Variants in TNPO2 observed in about 807,000 individuals in gnomAD.
The protein encoded by TNPO2 is transportin 2.
In TNPO2, 16 loss-of-function variants were observed where a neutral mutation model predicts 111.1. That is an observed-to-expected ratio of 0.14 (90% CI 0.10 to 0.22). TNPO2 has a LOEUF of 0.22. TNPO2 is among the 10% of genes least tolerant of loss of function. The pLI is 1.00. For synonymous variants in TNPO2, 481 were observed against 475.8 expected (o/e 1.01, Z -0.14); for missense variants, 530 against 1,173.7 (o/e 0.45, Z 8.01).
chr19:12,713,484 TAAA>T (rs1028660301), intron 10 of TNPO2, among the ~76,000 whole-genome samples: 14 of 108,068 alleles, frequency 1.3e-4, no homozygotes, highest in African/African-American at 4.8e-4. Flanking sequence ...TAATGAATGA[TAAA>T]TAAATAAATA....
At position 12,706,809 on chromosome 19, in the gene TNPO2, G is replaced by T; in HGVS notation, c.1271-14C>A. 1.3e-6 allele frequency: 2 copies of T among 1,587,086 alleles called. No homozygotes were observed. Among genetic ancestry groups the T allele is most frequent in the Non-Finnish European group, 1.7e-6 (2 of 1,167,332 alleles). ...CCTGCATGCAGCCTACAAGGAAAGG[G>T]AACCAAGAGGGGGCAGTTTGATTGG... On this transcript the variant is annotated splice_polypyrimidine_tract_variant and intron_variant, in intron 13 of 25. Coordinates refer to ENST00000425528, the MANE Select transcript of TNPO2 (RefSeq NM_001382241.1). This position sits in a 1 kb window ranked among gnomAD's most constrained non-coding sequence, Gnocchi z 7.0.
At chr19:12,707,492 T>C (rs974531667) in intron 13 of TNPO2, among the ~76,000 whole-genome samples, 11 of 132,590 alleles carry the variant, frequency 8.3e-5, no homozygotes, top group Admixed American at 4.5e-4. Flanking sequence ...TTTTTTTTTT[T>C]TTTTTTTTTT....
Position 12,706,259 on chromosome 19 carries a change from C to T in TNPO2, c.1605G>A (p.Leu535=), listed in dbSNP as rs2025657287. 6.2e-7 allele frequency: 1 copy of T among 1,614,014 alleles called. No individual in the cohort carries two copies. The highest frequency in any genetic ancestry group is 1.3e-5 in the African/African-American group (1 of 75,058). ...FAFGKYQHKN[L]LILYDAIGTL... ...TGCCAATGGCGTCATAGAGGATGAG[C>T]AGGTTCTTGTGCTGGTATTTCCCAA... Residue 535 remains leucine, a synonymous_variant, in exon 15 of 26, where the codon CTG becomes CTA. Coordinates refer to ENST00000425528, the MANE Select transcript of TNPO2 (RefSeq NM_001382241.1). This position sits in a 1 kb window ranked among gnomAD's most constrained non-coding sequence, Gnocchi z 7.0.
intron 10 of TNPO2, among the ~76,000 whole-genome samples, chr19:12,714,575 G>C (rs765457853): frequency 1.3e-5 from 2 of 152,072 alleles, no homozygotes; most frequent in Non-Finnish European, 2.9e-5. Flanking sequence ...GCCTCCCAAA[G>C]TGCTAGGATT....
rs1349453712 is a variant in TNPO2, at chr19:12,705,051, T to C, written c.2022+189A>G. Among the ~76,000 whole-genome samples the C allele has an allele frequency of 2.0e-5, 3 of 152,190 alleles. No individual in the cohort carries two copies. Among genetic ancestry groups the C allele is most frequent in the South Asian group, 2.1e-4 (1 of 4,832 alleles). On this transcript the variant is annotated intron_variant, in intron 18 of 25. Transcript: ENST00000425528. The surrounding 1 kb of genome is among the most constrained non-coding windows in gnomAD (Gnocchi z 7.2). Reference sequence around the variant, plus strand: ...TAATTTTAGAACTGGGGTTTCACTATGTTGCCCAGGCTGGTCTCAAACTCC... The same window carrying C: ...TAATTTTAGAACTGGGGTTTCACTACGTTGCCCAGGCTGGTCTCAAACTCC...
chr19:12,701,450 G>T lies in TNPO2; in HGVS notation c.2590C>A (p.Leu864Ile). 6.2e-7 allele frequency: 1 copy of T among 1,613,824 alleles called. No individual in the cohort carries two copies. The highest frequency in any genetic ancestry group is 2.2e-5 in the East Asian group (1 of 44,868). ...CCAACTTGGTCTTTGAAGCCGTGGA[G>T]AATCTGTGGGGAGGGTGGTGGTGAG... ...DDLRDMFYKI[L>I]HGFKDQVGED... is the part of the protein sequence containing the mutation. The change falls in exon 25 of 26, where the codon CTC becomes ATC. Residue 864 changes from leucine to isoleucine, a missense_variant. Leu to Ile is a conservative substitution (Grantham distance 5, BLOSUM62 2). This residue lies in a region of TNPO2 where 103 missense variants were observed against 156.7 expected (regional missense o/e 0.66). Transcript: ENST00000425528. The surrounding 1 kb of genome is among the most constrained non-coding windows in gnomAD (Gnocchi z 5.0).
intron 12 of TNPO2, 96 bp from the exon 13 acceptor site, chr19:12,710,869 A>G: frequency 8.2e-7 from 1 of 1,223,078 alleles, no homozygotes; most frequent in South Asian, 1.6e-5. Context: ...GATCATGCTC[A>G]GAATCTTCAC....
chr19:12,703,333 G>A, intron 20 of TNPO2, 95 bp downstream of exon 20: 1 of 1,161,430 alleles, frequency 8.6e-7, no homozygotes, highest in Non-Finnish European at 1.3e-6. Flanking sequence ...CAAGAGACTT[G>A]CCTTGAAGGA....
chr19:12,719,506 A>C lies in TNPO2; in HGVS notation c.100-170T>G, dbSNP rs549476930. The stretch of plus-strand genomic sequence containing the variant: ...AGAGCACCTCAGACACGTCAAATTC[A>C]TATAAGGGGCCGGGCGCGGTGGCTC... On this transcript the variant is annotated intron_variant, in intron 3 of 25. Transcript: ENST00000425528. This position sits in a 1 kb window ranked among gnomAD's most constrained non-coding sequence, Gnocchi z 5.0. Among the ~76,000 whole-genome samples, 3 of 152,108 alleles carry C rather than the reference A, an allele frequency of 2.0e-5. No homozygotes were observed. Among genetic ancestry groups the C allele is most frequent in the Non-Finnish European group, 4.4e-5 (3 of 68,008 alleles).
intron 10 of TNPO2, among the ~76,000 whole-genome samples, chr19:12,713,654 C>G (rs956222533): frequency 3.3e-5 from 5 of 152,038 alleles, no homozygotes; most frequent in Admixed American, 2.0e-4. Context: ...TGCAGTGAGC[C>G]GAGATTGTGC....
At position 12,711,372 on chromosome 19, in the gene TNPO2, G is replaced by A; in HGVS notation, c.1041C>T (p.His347=). The change falls in exon 12 of 26, where the codon CAC becomes CAT. Residue 347 remains histidine (H), a synonymous_variant. Coordinates refer to ENST00000425528, the MANE Select transcript of TNPO2 (RefSeq NM_001382241.1). ...CGGAGCCATCAGGCCGCTCAGCCTCGTGGGGCAGTGTGACCGTGCGTGACT... is the reference window on the plus strand; with the variant it reads ...CGGAGCCATCAGGCCGCTCAGCCTCATGGGGCAGTGTGACCGTGCGTGACT... The part of the protein sequence containing the change: ...FHKSRTVTLP[H]EAERPDGSED... 2.5e-6 allele frequency: 4 copies of A among 1,614,030 alleles called. No individual in the cohort carries two copies. The highest frequency in any genetic ancestry group is 1.7e-5 in the Admixed American group (1 of 60,020).
chr19:12,705,670 G>A lies in TNPO2; in HGVS notation c.1755+12C>T, dbSNP rs558164320. On this transcript the variant is annotated intron_variant, in intron 16 of 25. Coordinates refer to ENST00000425528, the MANE Select transcript of TNPO2 (RefSeq NM_001382241.1). This position sits in a 1 kb window ranked among gnomAD's most constrained non-coding sequence, Gnocchi z 7.2. ...AGGATGGGTTTCGGGTGAGGGGCAG[G>A]AGCCCACTCACCTCCAGCAGGGGGA... 13 of 1,545,110 alleles carry A rather than the reference G, an allele frequency of 8.4e-6. No individual in the cohort carries two copies. The South Asian group carries it at 1.1e-4, about 13-fold the overall frequency.
At chr19:12,712,123 A>G (rs1464997967) in intron 10 of TNPO2, among the ~76,000 whole-genome samples, 1 of 152,204 alleles carries the variant, frequency 6.6e-6, no homozygotes, top group Non-Finnish European at 1.5e-5. Flanking sequence ...CAGGCCATAC[A>G]GAGATAGGAG....
rs375338104 is a variant in TNPO2, at chr19:12,715,343, G to T, written c.567-19C>A. On this transcript the variant is annotated intron_variant, in intron 7 of 25. Transcript: ENST00000425528. The surrounding 1 kb of genome is among the most constrained non-coding windows in gnomAD (Gnocchi z 7.1). ...GTGGGACCTGGCGGGGAGCAGACAC[G>T]TGGGTCACCCTGACCCTGCCCACTC... 1.2e-6 allele frequency: 2 copies of T among 1,613,710 alleles called. No homozygotes were observed. Among genetic ancestry groups the T allele is most frequent in the African/African-American group, 2.7e-5 (2 of 74,904 alleles).
At chr19:12,712,264 G>A (rs947115412) in intron 10 of TNPO2, among the ~76,000 whole-genome samples, 4 of 152,180 alleles carry the variant, frequency 2.6e-5, no homozygotes, top group Admixed American at 1.3e-4. Flanking sequence ...GTTACCAGGC[G>A]GATCATGGTC....
At chr19:12,712,625 G>A (rs1270077890) in intron 10 of TNPO2, among the ~76,000 whole-genome samples, 6 of 151,802 alleles carry the variant, frequency 4.0e-5, no homozygotes, top group Admixed American at 1.3e-4. Flanking sequence ...CTCTGCCTCG[G>A]CTGCCAGGCA....
chr19:12,710,757 A>G lies in TNPO2; in HGVS notation c.1134T>C (p.Ala378=), dbSNP rs781301798. ...AGACATTGGCGAGGACGTCCAGTGC[A>G]GCCGCTGAGCACTTCCCTGGGGAAG... is the stretch of plus-strand genomic sequence containing the variant. ...SDWNLRKCSA[A]ALDVLANVFR... The change falls in exon 13 of 26, where the codon GCT becomes GCC. Residue 378 remains alanine, a synonymous_variant. Transcript: ENST00000425528. 3 of 1,611,172 alleles carry G rather than the reference A, an allele frequency of 1.9e-6. No individual in the cohort carries two copies. Among genetic ancestry groups the G allele is most frequent in the Non-Finnish European group, 2.5e-6 (3 of 1,178,672 alleles).
chr19:12,715,853 CT>C lies in TNPO2; in HGVS notation c.326-115del. ...TTCTGTTCCCTAGCCCATGTACGCCCTCTACATCCCCCCTCCTTTTTTTTTT... is the reference window on the plus strand; with the variant it reads ...TTCTGTTCCCTAGCCCATGTACGCCCCTACATCCCCCCTCCTTTTTTTTTT... On this transcript the variant is annotated intron_variant, in intron 5 of 25. Coordinates refer to ENST00000425528, the MANE Select transcript of TNPO2 (RefSeq NM_001382241.1). The surrounding 1 kb of genome is among the most constrained non-coding windows in gnomAD (Gnocchi z 7.1). 1 of 752,790 alleles carries C rather than the reference CT, an allele frequency of 1.3e-6. No homozygotes were observed. The highest frequency in any genetic ancestry group is 2.1e-6 in the Non-Finnish European group (1 of 466,150). The allele number at this position is 752,790 out of a possible 1,614,324, so 46.6% of individuals were successfully genotyped here.
At chr19:12,707,928 T>G (rs547454220) in intron 13 of TNPO2, among the ~76,000 whole-genome samples, 1 of 152,038 alleles carries the variant, frequency 6.6e-6, no homozygotes, top group Admixed American at 6.6e-5. Context: ...TCAAGCAATT[T>G]TCCTGCCTCA....
Sources: gnomAD v4.1 joint callset for allele counts (sites outside exome capture counted in the v4.1 genomes callset) on GRCh38, gnomAD v4.1.1 for gene constraint, gnomAD v4.1.1 regional missense constraint, Gnocchi (gnomAD v3.1) non-coding constraint, MANE v1.5 for transcripts, NCBI Gene and HGNC (gene_info 2026-07-23, HGNC 2026-07-21) for gene names.